TCP11L2: variants seen among roughly 807,000 people sequenced by gnomAD.
TCP11L2 encodes t-complex 11 like 2.
In TCP11L2, 39 loss-of-function variants were observed where a neutral mutation model predicts 50.7. The ratio of observed to expected loss-of-function variants is 0.77; its 90% CI spans 0.60 to 1.01. The LOEUF is 1.01. TCP11L2 is among the 50% of genes least tolerant of loss of function. The pLI is 0.00. For synonymous variants in TCP11L2, 192 were observed against 219.3 expected (o/e 0.88, Z 1.10); for missense variants, 612 against 614.7 (o/e 1.00, Z 0.05).
intron 2 of TCP11L2, among the ~76,000 whole-genome samples, chr12:106,313,924 C>T (rs2034962994): frequency 6.6e-6 from 1 of 151,874 alleles, no homozygotes; most frequent in African/African-American, 2.4e-5. Flanking sequence ...CGCCACCATG[C>T]CCGGCTAATT....
upstream of TCP11L2, among the ~76,000 whole-genome samples, chr12:106,298,036 T>C (rs1392684039): frequency 6.6e-6 from 1 of 152,186 alleles, no homozygotes; most frequent in Non-Finnish European, 1.5e-5. Flanking sequence ...TTTTAGTATG[T>C]GACAGGGTCA....
chr12:106,324,815 A>C (rs563995650), intron 6 of TCP11L2: 1 of 152,220 alleles, frequency 6.6e-6, no homozygotes, highest in Non-Finnish European at 1.5e-5. Context: ...GAATGGTCAT[A>C]CAGTTTGAGT....
In TCP11L2 at chr12:106,318,403, A is replaced by T; in HGVS notation, c.353A>T (p.Glu118Val). ...HQAFWDVLDS[E>V]LNADPPEFEH... is the part of the protein sequence containing the mutation. Reference sequence around the variant, plus strand: ...GCCTTCTGGGACGTCTTGGATTCAGAACTAAATGCTGACCCTCCTGAGTTT... The same window carrying T: ...GCCTTCTGGGACGTCTTGGATTCAGTACTAAATGCTGACCCTCCTGAGTTT... The change falls in exon 4 of 10, where the codon GAA becomes GTA. Residue 118 changes from glutamate (E) to valine (V), a missense_variant. By Grantham distance (121) the Glu-to-Val change is moderately radical. Coordinates refer to ENST00000299045, the MANE Select transcript of TCP11L2 (RefSeq NM_152772.3). The T allele has an allele frequency of 6.2e-7, 1 of 1,614,140 alleles. No individual in the cohort carries two copies. The highest frequency in any genetic ancestry group is 1.1e-5 in the South Asian group (1 of 91,084).
chr12:106,329,072 C>T (rs2035655310), intron 6 of TCP11L2, among the ~76,000 whole-genome samples: 1 of 150,076 alleles, frequency 6.7e-6, no homozygotes, highest in African/African-American at 2.5e-5. Flanking sequence ...GAGATGTTGC[C>T]AGGCAAAAAA....
At chr12:106,331,770 C>T (rs997108094) in intron 6 of TCP11L2, among the ~76,000 whole-genome samples, 2 of 152,244 alleles carry the variant, frequency 1.3e-5, no homozygotes, top group Admixed American at 6.5e-5. Context: ...CTCCCAACTA[C>T]TGCACCAGCC....
At chr12:106,313,527 C>T (rs575907706) in intron 2 of TCP11L2, among the ~76,000 whole-genome samples, 1 of 151,352 alleles carries the variant, frequency 6.6e-6, no homozygotes, top group Non-Finnish European at 1.5e-5. Context: ...TTGCAGTGAG[C>T]TGAGATTGCA....
Position 106,314,461 on chromosome 12 carries a change from T to C in TCP11L2, c.261T>C (p.Phe87=). ...ATGAGATTGCTGTAAATGAGAACTT[T>C]CAATTGAAACAAGAGGCTCTCCCAG... ...LAHEIAVNEN[F]QLKQEALPEK... is the part of the protein sequence containing the mutation. Residue 87 remains phenylalanine (F), a synonymous_variant, in exon 3 of 10, where the codon TTT becomes TTC. Transcript: ENST00000299045. 6.2e-7 allele frequency: 1 copy of C among 1,613,712 alleles called. No individual in the cohort carries two copies. The highest frequency in any genetic ancestry group is 8.5e-7 in the Non-Finnish European group (1 of 1,179,780).
At chr12:106,307,113 G>A (rs1337955890) in intron 1 of TCP11L2, among the ~76,000 whole-genome samples, 2 of 152,146 alleles carry the variant, frequency 1.3e-5, no homozygotes, top group African/African-American at 2.4e-5. Flanking sequence ...TTAAATGTCA[G>A]TAGTCTTACT....
At chr12:106,343,659 CTT>C (rs35408125) in intron 9 of TCP11L2, among the ~76,000 whole-genome samples, 16 of 146,928 alleles carry the variant, frequency 1.1e-4, no homozygotes, top group Admixed American at 1.4e-4. Flanking sequence ...CCTACGTCTA[CTT>C]TTTTTTTTTT....
chr12:106,306,095 C>G (rs1409009565), intron 1 of TCP11L2, among the ~76,000 whole-genome samples: 1 of 152,230 alleles, frequency 6.6e-6, no homozygotes, highest in African/African-American at 2.4e-5. Context: ...GTTTGACTGT[C>G]TAGAAGAGTT....
At chr12:106,305,686 T>G (rs1217419780) in intron 1 of TCP11L2, among the ~76,000 whole-genome samples, 1 of 152,184 alleles carries the variant, frequency 6.6e-6, no homozygotes, top group Non-Finnish European at 1.5e-5. Context: ...AGCTGGCTCA[T>G]TAGATGCAGT....
At chr12:106,314,560 TGTGTGTGTGTGTGTGTGA>T (rs1469474180) in intron 3 of TCP11L2, 67 bp downstream of exon 3, 6 of 944,998 alleles carry the variant, frequency 6.3e-6, no homozygotes, top group Admixed American at 2.2e-5. Flanking sequence ...TGTGTGTGTG[TGTGTGTGTGTGTGTGTGA>T]GAGAGAGAGA....
At chr12:106,315,763 T>C (rs1171446061) in intron 3 of TCP11L2, among the ~76,000 whole-genome samples, 1 of 152,234 alleles carries the variant, frequency 6.6e-6, no homozygotes, top group Non-Finnish European at 1.5e-5. Context: ...TCAGCCTTTC[T>C]GGAGTCAGTG....
chr12:106,325,310 G>C (rs376871617), intron 6 of TCP11L2: 10 of 152,388 alleles, frequency 6.6e-5, no homozygotes, highest in African/African-American at 2.4e-4. Context: ...GACTCTGAAA[G>C]AAACTGACGT....
intron 9 of TCP11L2, among the ~76,000 whole-genome samples, chr12:106,344,985 C>T (rs1035328260): frequency 6.6e-6 from 1 of 151,956 alleles, no homozygotes; most frequent in African/African-American, 2.4e-5. Context: ...TGTGAAGTAC[C>T]CTGTAACTTA....
chr12:106,312,256 CATTTTT>C (rs1565839721), intron 2 of TCP11L2: 469 of 313,938 alleles, frequency 1.5e-3, no homozygotes, highest in Non-Finnish European at 1.9e-3. Context: ...ATTTAGTTTC[CATTTTT>C]TTTTTTTTTT....
At chr12:106,319,935 G>T (rs996405167) in intron 4 of TCP11L2, among the ~76,000 whole-genome samples, 1 of 152,116 alleles carries the variant, frequency 6.6e-6, no homozygotes, top group Non-Finnish European at 1.5e-5. Context: ...ATACTTAATC[G>T]ACCCCATGGG....
intron 5 of TCP11L2, 103 bp from the exon 6 acceptor site, chr12:106,323,407 T>G: frequency 3.8e-6 from 4 of 1,052,476 alleles, no homozygotes; most frequent in African/African-American, 1.6e-5. Flanking sequence ...TTTAAAACCA[T>G]TTTGGGGATG....
rs1422385744 is a variant in TCP11L2, at chr12:106,339,437, T to C, written c.1143-1389T>C. Reference sequence around the variant, plus strand: ...CTCCCATTCTATAGGCTGTTTACTCTGTGGATAATTTCTTTTGCTGTGCAT... The same window carrying C: ...CTCCCATTCTATAGGCTGTTTACTCCGTGGATAATTTCTTTTGCTGTGCAT... On this transcript the variant is annotated intron_variant, in intron 8 of 9. Coordinates refer to ENST00000299045, the MANE Select transcript of TCP11L2 (RefSeq NM_152772.3). Among the ~76,000 whole-genome samples the C allele has an allele frequency of 3.3e-5, 5 of 152,246 alleles. No homozygotes were observed. In the East Asian group the frequency reaches 9.6e-4, roughly 29 times the overall value.
Sources: allele counts gnomAD v4.1 joint callset (sites outside exome capture counted in the v4.1 genomes callset), GRCh38; gene constraint gnomAD v4.1.1; transcripts MANE v1.5; gene names NCBI Gene and HGNC (gene_info 2026-07-23, HGNC 2026-07-21).